KHDC4: variants seen among roughly 807,000 people sequenced by gnomAD.
KHDC4 encodes the protein KH homology domain-containing protein 4.
Under a neutral mutation model 74.5 loss-of-function variants are expected in KHDC4, and 19 were observed. The observed-to-expected ratio is 0.26, with a 90% CI of 0.18 to 0.37. The LOEUF (loss-of-function observed/expected upper bound fraction) is 0.37, where lower values mean the gene tolerates loss of function less well. Among genes scored for constraint, KHDC4 ranks in the 10% least tolerant of loss-of-function variants. The pLI, the probability that KHDC4 is intolerant of heterozygous loss-of-function variation, is 1.00. For synonymous variants in KHDC4, 253 were observed against 266.1 expected (o/e 0.95, Z 0.48); for missense variants, 632 against 754.1 (o/e 0.84, Z 1.90).
At chr1:155,927,258 T>C (rs1299253668) in intron 4 of KHDC4, 102 bp from the exon 5 acceptor site, 1 of 888,054 alleles carries the variant, frequency 1.1e-6, no homozygotes, top group Non-Finnish European at 1.9e-6. Flanking sequence ...AGTTTCCAAA[T>C]AACCAAAAGG....
chr1:155,921,881 T>C lies in KHDC4; in HGVS notation c.992A>G (p.Asn331Ser), dbSNP rs748335520. ...AEYSRFVNQINTAVPLPGYTQ... is the reference protein window; with the variant it reads ...AEYSRFVNQISTAVPLPGYTQ... ...CACACCTGGTAAAGGTACAGCAGTA[T>C]TAATCTGATTCACAAATCTAGAGTA... Residue 331 changes from asparagine (N) to serine (S), a missense_variant, in exon 9 of 14, where the codon AAT (asparagine) becomes AGT (serine). Asn to Ser is a conservative substitution (Grantham distance 46). This residue lies in a region of KHDC4 where 233 missense variants were observed against 342.6 expected (regional missense o/e 0.68). Coordinates refer to ENST00000368321, the MANE Select transcript of KHDC4 (RefSeq NM_014949.4). The C allele has an allele frequency of 6.2e-7, 1 of 1,608,616 alleles. No individual in the cohort carries two copies.
chr1:155,930,198 C>G (rs180789761), intron 2 of KHDC4, among the ~76,000 whole-genome samples: 2 of 152,358 alleles, frequency 1.3e-5, no homozygotes, highest in East Asian at 1.9e-4. Flanking sequence ...CAGGCGTGAG[C>G]CACTGTGCCC....
In KHDC4 at chr1:155,913,951, G is replaced by C; in HGVS notation, c.*170C>G. The C allele has an allele frequency of 1.7e-6, 1 of 602,368 alleles. No individual in the cohort carries two copies. Among genetic ancestry groups the C allele is most frequent in the East Asian group, 2.8e-5 (1 of 36,214 alleles). The allele number at this position is 602,368 out of a possible 1,614,324, so 37.3% of individuals were successfully genotyped here. On this transcript the variant is annotated 3_prime_UTR_variant, in exon 14 of 14. Transcript: ENST00000368321. The stretch of plus-strand genomic sequence containing the variant: ...AGATTCTATGCCACTGCAGAAATAA[G>C]GATTTTTGTGGTTGTTAAGGAACCC...
intron 4 of KHDC4, among the ~76,000 whole-genome samples, 161 bp downstream of exon 4, chr1:155,929,135 G>T (rs78010962): frequency 1.3e-5 from 2 of 152,106 alleles, no homozygotes; most frequent in Non-Finnish European, 2.9e-5. Context: ...CCAACATCTT[G>T]TATCTGTTTG....
chr1:155,927,710 CAAGA>C (rs1553231115), intron 4 of KHDC4, among the ~76,000 whole-genome samples: 1 of 138,058 alleles, frequency 7.2e-6, no homozygotes, highest in Non-Finnish European at 1.5e-5. Flanking sequence ...GGCTGAGGCA[CAAGA>C]ATCACTTGAA....
In KHDC4 at chr1:155,934,402, A is replaced by T. The variant is rs919727785; in HGVS notation, c.-29T>A. 1 of 1,610,670 alleles carries T rather than the reference A, an allele frequency of 6.2e-7. No individual in the cohort carries two copies. On this transcript the variant is annotated 5_prime_UTR_variant, in exon 1 of 14. Transcript: ENST00000368321. ...GACCGCTTCTACTCAACCACCCGCC[A>T]ACTATCCGACTACCACCTCTCGTCA...
At chr1:155,920,012 C>G (rs1475545669) in intron 10 of KHDC4, 2 of 517,066 alleles carry the variant, frequency 3.9e-6, no homozygotes, top group African/African-American at 3.9e-5. Flanking sequence ...GAGAGGCCCA[C>G]AGAGAAGGAC....
Position 155,923,663 on chromosome 1 carries a change from A to G in KHDC4, c.918T>C (p.Ala306=). Residue 306 remains alanine (A), a synonymous_variant, in exon 8 of 14, where the codon GCT becomes GCC. Transcript: ENST00000368321. ...GATTCTCACAAAGCTTCTTGGCAGC[A>G]GCCAGGCCTTCTGGTTTGGGGTGAC... The part of the protein sequence containing the change: ...YISHPKPEGL[A]AAKKLCENLL... 1.2e-6 allele frequency: 2 copies of G among 1,613,956 alleles called. No homozygotes were observed. Among genetic ancestry groups the G allele is most frequent in the Non-Finnish European group, 1.7e-6 (2 of 1,179,788 alleles).
At chr1:155,924,323 C>A (rs1036236011) in intron 7 of KHDC4, among the ~76,000 whole-genome samples, 1 of 151,814 alleles carries the variant, frequency 6.6e-6, no homozygotes, top group Non-Finnish European at 1.5e-5. Context: ...CATTCTCCTG[C>A]CTCAGCCCCC....
intron 1 of KHDC4, 75 bp from the exon 2 acceptor site, chr1:155,933,924 AC>A: frequency 1.7e-6 from 2 of 1,203,006 alleles, no homozygotes; most frequent in South Asian, 1.7e-5. Context: ...ACGCCTTAGC[AC>A]CCCATTTTCC....
At chr1:155,931,017 T>C (rs985252454) in intron 2 of KHDC4, among the ~76,000 whole-genome samples, 4 of 149,404 alleles carry the variant, frequency 2.7e-5, no homozygotes, top group Non-Finnish European at 5.9e-5. Context: ...GTCTCAAAAA[T>C]AAATATATAA....
At chr1:155,919,835 A>C (rs1276024180) in intron 10 of KHDC4, 2 of 175,054 alleles carry the variant, frequency 1.1e-5, no homozygotes, top group Non-Finnish European at 2.4e-5. Flanking sequence ...AACAAAAATA[A>C]AATAAATAAA....
At chr1:155,929,633 C>T in intron 3 of KHDC4, 79 bp downstream of exon 3, 1 of 1,488,730 alleles carries the variant, frequency 6.7e-7, no homozygotes, top group Non-Finnish European at 9.1e-7. Context: ...TAATAAATAT[C>T]TGACGCCTGT....
chr1:155,931,032 C>CA (rs943924221), intron 2 of KHDC4, among the ~76,000 whole-genome samples: 6 of 151,480 alleles, frequency 4.0e-5, no homozygotes, highest in Non-Finnish European at 8.8e-5. Flanking sequence ...ATATAAATTA[C>CA]AAAAAAAGGC....
rs1431758883 is a variant in KHDC4, at chr1:155,926,759, C to T, written c.598G>A (p.Ala200Thr). The T allele has an allele frequency of 1.2e-6, 2 of 1,614,036 alleles. No homozygotes were observed. Among genetic ancestry groups the T allele is most frequent in the Non-Finnish European group, 1.7e-6 (2 of 1,180,022 alleles). The change falls in exon 6 of 14, where the codon GCA becomes ACA. Residue 200 changes from alanine (A) to threonine (T), a missense_variant. Transcript: ENST00000368321. ...GGCTGGTGATAGACAGTTACTGTTG[C>T]ACCATTAAAAGTTGGACTTGTTCCT... Reference protein sequence around the residue: ...ATGTSPTFNGATVTVYHQPAP... With the variant: ...ATGTSPTFNGTTVTVYHQPAP...
At chr1:155,923,216 T>C (rs1041755199) in intron 8 of KHDC4, among the ~76,000 whole-genome samples, 7 of 150,416 alleles carry the variant, frequency 4.7e-5, no homozygotes, top group Non-Finnish European at 1.0e-4. Context: ...AGTCCTAAGG[T>C]TTAACTTTTG....
chr1:155,919,613 A>T (rs1673810071), intron 10 of KHDC4, among the ~76,000 whole-genome samples: 1 of 152,036 alleles, frequency 6.6e-6, no homozygotes, highest in Non-Finnish European at 1.5e-5. Flanking sequence ...GATCAAGACC[A>T]TCCTGGCTAA....
At position 155,921,900 on chromosome 1, in the gene KHDC4, T is replaced by TA; in HGVS notation, c.972dup (p.Arg325Ter). The TA allele has an allele frequency of 6.2e-7, 1 of 1,608,678 alleles. No individual in the cohort carries two copies. Among genetic ancestry groups the TA allele is most frequent in the Non-Finnish European group, 8.5e-7 (1 of 1,175,860 alleles). Reference sequence around the variant, plus strand: ...GCAGTATTAATCTGATTCACAAATCTAGAGTATTCAGCATGAACCTGAAAG... The same window carrying TA: ...GCAGTATTAATCTGATTCACAAATCTAAGAGTATTCAGCATGAACCTGAAAG... On this transcript the variant is annotated frameshift_variant, in exon 9 of 14. Transcript: ENST00000368321. LOFTEE classifies it high-confidence loss of function.
At chr1:155,922,598 T>G (rs1673891242) in intron 8 of KHDC4, among the ~76,000 whole-genome samples, 1 of 152,238 alleles carries the variant, frequency 6.6e-6, no homozygotes, top group Admixed American at 6.5e-5. Flanking sequence ...ATTTCCAAGT[T>G]GTTAGTATAA....
Sources: allele counts gnomAD v4.1 joint callset (sites outside exome capture counted in the v4.1 genomes callset), GRCh38; gene constraint gnomAD v4.1.1; regional missense constraint gnomAD v4.1.1; transcripts MANE v1.5; gene names NCBI Gene and HGNC (gene_info 2026-07-23, HGNC 2026-07-21).